Variants in MITF observed in about 807,000 individuals in gnomAD.
MITF encodes the protein melanocyte inducing transcription factor.
In MITF, 17 loss-of-function variants were observed where a neutral mutation model predicts 60.5. The ratio of observed to expected loss-of-function variants is 0.28; its 90% confidence interval spans 0.19 to 0.42. The LOEUF (loss-of-function observed/expected upper bound fraction) is 0.42, where lower values mean the gene tolerates loss of function less well. Among genes scored for constraint, MITF ranks in the 10% least tolerant of loss-of-function variants. MITF has a pLI of 1.00. For missense variants in MITF, 622 were observed against 683.5 expected, an observed-to-expected ratio of 0.91 and a Z score of 1.00; for synonymous variants, 260 against 248.5, an observed-to-expected ratio of 1.05 and a Z score of -0.43.
At chr3:69,771,858 G>A (rs2062399176) in intron 1 of MITF, among the ~76,000 whole-genome samples, 2 of 152,154 alleles carry the variant, frequency 1.3e-5, no homozygotes, top group African/African-American at 2.4e-5. Context: ...CTGCCATCGC[G>A]ATGCATGCTT....
At position 69,941,323 on chromosome 3, in the gene MITF, G is replaced by A. The variant is rs2065964246; in HGVS notation, c.754G>A (p.Ala252Thr). The change falls in exon 5 of 10, where the codon GCA (alanine) becomes ACA (threonine). Residue 252 changes from alanine (A) to threonine (T), a missense_variant. Ala to Thr is a moderately conservative substitution (Grantham distance 58, BLOSUM62 0). Coordinates refer to ENST00000352241, the MANE Select transcript of MITF (RefSeq NM_001354604.2). ...CTTGATGGATCCTGCTTTGCAAATG[G>A]CAAATACGGTATTGATAACCTTTTT... ...LGLMDPALQM[A>T]NTLPVSGNLI... 2 of 1,607,888 alleles carry A rather than the reference G, an allele frequency of 1.2e-6. No homozygotes were observed. The highest frequency in any genetic ancestry group is 1.7e-4 in the Middle Eastern group (1 of 6,044).
chr3:69,965,837 A>G lies in MITF; in HGVS notation c.*589A>G. The stretch of plus-strand genomic sequence containing the variant: ...AAGAAAAAAAAAATGCGGCCTTTTC[A>G]TGAGGATCGTCTGGTTAGAAAACAT... On this transcript the variant is annotated 3_prime_UTR_variant, in exon 10 of 10. Coordinates refer to ENST00000352241, the MANE Select transcript of MITF (RefSeq NM_001354604.2). 4.3e-6 allele frequency: 1 copy of G among 230,068 alleles called. No individual in the cohort carries two copies. Among genetic ancestry groups the G allele is most frequent in the Non-Finnish European group, 8.6e-6 (1 of 116,522 alleles). The allele number at this position is 230,068 out of a possible 1,614,324, so 14.3% of individuals were successfully genotyped here. A position where few individuals can be genotyped will look rare whatever the true frequency, so the allele number is the denominator to read the frequency against.
intron 1 of MITF, among the ~76,000 whole-genome samples, chr3:69,850,301 C>T (rs1474775132): frequency 1.3e-5 from 2 of 152,114 alleles, no homozygotes; most frequent in African/African-American, 2.4e-5. Flanking sequence ...CCAACTGTGC[C>T]TTGGGTTGAA....
At chr3:69,959,213 T>A in intron 8 of MITF, 60 bp from the exon 9 acceptor site, 1 of 1,597,266 alleles carries the variant, frequency 6.3e-7, no homozygotes, top group South Asian at 1.1e-5. Flanking sequence ...GCTTTGAATA[T>A]TGAATTTTCA....
chr3:69,899,337 G>A (rs1404250906), intron 2 of MITF, among the ~76,000 whole-genome samples: 1 of 152,192 alleles, frequency 6.6e-6, no homozygotes, highest in Non-Finnish European at 1.5e-5. Context: ...AGGTGGGCAG[G>A]GGCCAGGGGC....
chr3:69,821,156 A>T (rs2063264950), intron 1 of MITF, among the ~76,000 whole-genome samples: 1 of 152,202 alleles, frequency 6.6e-6, no homozygotes, highest in Non-Finnish European at 1.5e-5. Flanking sequence ...AATAATAGCA[A>T]GGAGTTCATT....
chr3:69,936,525 T>G (rs1027797262), intron 2 of MITF: 3 of 1,219,452 alleles, frequency 2.5e-6, no homozygotes, highest in Admixed American at 3.6e-5. Context: ...TATGTGAACG[T>G]TTTTTTTTAC....
intron 2 of MITF, among the ~76,000 whole-genome samples, chr3:69,909,192 C>T (rs911200234): frequency 4.6e-5 from 7 of 152,200 alleles, no homozygotes; most frequent in Admixed American, 1.3e-4. Context: ...GGATAAGTCT[C>T]ACGAGATCTG....
intron 1 of MITF, among the ~76,000 whole-genome samples, chr3:69,822,041 C>A (rs1408029754): frequency 1.3e-5 from 2 of 152,212 alleles, no homozygotes; most frequent in African/African-American, 4.8e-5. Flanking sequence ...CCATGCCCAG[C>A]CCAAACTGGA....
chr3:69,851,485 A>G (rs1380402571), intron 1 of MITF, among the ~76,000 whole-genome samples: 6 of 152,340 alleles, frequency 3.9e-5, no homozygotes, highest in Admixed American at 3.3e-4. Context: ...GATAGAAAGG[A>G]ACAAGCTACC....
At chr3:69,740,851 G>T (rs1703502966) in intron 1 of MITF, among the ~76,000 whole-genome samples, 1 of 152,210 alleles carries the variant, frequency 6.6e-6, no homozygotes, top group Non-Finnish European at 1.5e-5. Context: ...CAGAGTGGGA[G>T]AGGGTCTTGA....
intron 1 of MITF, among the ~76,000 whole-genome samples, chr3:69,850,533 A>G (rs2063807535): frequency 6.6e-6 from 1 of 152,210 alleles, no homozygotes; most frequent in Non-Finnish European, 1.5e-5. Context: ...GGGCCAAACA[A>G]TGAGGTTCTC....
At chr3:69,863,647 C>T (rs1013066455) in intron 1 of MITF, among the ~76,000 whole-genome samples, 2 of 152,136 alleles carry the variant, frequency 1.3e-5, no homozygotes, top group Non-Finnish European at 2.9e-5. Context: ...AAGATGTACC[C>T]GAGTGCCTTG....
chr3:69,902,812 T>C (rs1369230264), intron 2 of MITF, among the ~76,000 whole-genome samples: 1 of 152,162 alleles, frequency 6.6e-6, no homozygotes, highest in Non-Finnish European at 1.5e-5. Flanking sequence ...TAGCCCATGA[T>C]ATTTAGGGAA....
intron 2 of MITF, among the ~76,000 whole-genome samples, chr3:69,897,865 T>G (rs1055001636): frequency 6.6e-6 from 1 of 152,216 alleles, no homozygotes; most frequent in Admixed American, 6.5e-5. Context: ...CAAAGTCAAG[T>G]CTACCTGAGT....
rs772738198 is a variant in MITF at position 69,879,401 on chromosome 3, T to C, written c.354+18T>C. ...TCCTTAAGGTACGTGAGTGTTGCTC[T>C]TGTTGGTTGGACCAAACTCTCTTCC... On this transcript the variant is annotated intron_variant, in intron 2 of 9. Transcript: ENST00000352241. 6 of 1,614,212 alleles carry C rather than the reference T, an allele frequency of 3.7e-6. 1 individual carries two copies. In the South Asian group the frequency reaches 5.5e-5, roughly 15 times the overall value.
chr3:69,823,604 A>G (rs550408182), intron 1 of MITF, among the ~76,000 whole-genome samples: 1 of 152,356 alleles, frequency 6.6e-6, no homozygotes, highest in South Asian at 2.1e-4. Context: ...ATATGAAGAC[A>G]ACAGTCTTTT....
At chr3:69,894,220 C>T (rs562137825) in intron 2 of MITF, among the ~76,000 whole-genome samples, 5 of 152,184 alleles carry the variant, frequency 3.3e-5, no homozygotes, top group Non-Finnish European at 7.4e-5. Flanking sequence ...GCCACAGGGC[C>T]TACATTGCAG....
At chr3:69,952,942 TTTATG>T (rs907802719) in intron 7 of MITF, among the ~76,000 whole-genome samples, 2 of 152,170 alleles carry the variant, frequency 1.3e-5, no homozygotes, top group Non-Finnish European at 2.9e-5. Flanking sequence ...CTGCTGTGTG[TTTATG>T]TTGTTTCTAG....
Sources: gnomAD v4.1 joint callset for allele counts (sites outside exome capture counted in the v4.1 genomes callset) on GRCh38, gnomAD v4.1.1 for gene constraint, MANE v1.5 for transcripts, NCBI Gene and HGNC (gene_info 2026-07-23, HGNC 2026-07-21) for gene names.